The following CTNNA2 variants were observed in gnomAD, a reference collection of about 807,000 sequenced individuals.
CTNNA2 encodes the protein catenin alpha-2.
A neutral mutation model predicts 101.0 loss-of-function variants in CTNNA2; 42 were observed. The observed-to-expected ratio is 0.42, with a 90% CI of 0.32 to 0.54. CTNNA2 has a LOEUF of 0.54. Ranked by LOEUF, CTNNA2 falls within the 20% of genes least tolerant of loss-of-function variation. CTNNA2 has a pLI of 0.14. For synonymous variants in CTNNA2, 450 were observed against 456.4 expected (o/e 0.99, Z 0.18); for missense variants, 871 against 1,223.1 (o/e 0.71, Z 4.29).
intron 3 of CTNNA2, among the ~76,000 whole-genome samples, chr2:79,840,836 C>T (rs1679747238): frequency 6.6e-6 from 1 of 151,340 alleles, no homozygotes; most frequent in Non-Finnish European, 1.5e-5. Flanking sequence ...GTGGCGCGAT[C>T]TCGGCTCACT....
rs148900795 is a variant in CTNNA2 at position 80,011,920 on chromosome 2, A to T, written c.1056+102123A>T. 2.3e-3 allele frequency among the ~76,000 whole-genome samples: 344 copies of T among 152,272 alleles called. 1 individual carries two copies. Among genetic ancestry groups the T allele is most frequent in the African/African-American group, 8.2e-3 (340 of 41,558 alleles). ...TGCAGGTGTGCCATGTTTGAATAAG[A>T]TTAACCATGATGTTGGCAGCAGAGG... On this transcript the variant is annotated intron_variant, in intron 7 of 18. Transcript: ENST00000402739.
In CTNNA2 at chr2:80,162,929, A is replaced by G. The variant is rs761784568; in HGVS notation, c.1057-230282A>G. 3.4e-5 allele frequency: 53 copies of G among 1,548,360 alleles called. No individual in the cohort carries two copies. The Middle Eastern group carries it at 5.0e-4, about 15-fold the overall frequency. On this transcript the variant is annotated intron_variant, in intron 7 of 18. Coordinates refer to ENST00000402739, the MANE Select transcript of CTNNA2 (RefSeq NM_001282597.3). The stretch of plus-strand genomic sequence containing the variant: ...TAGGAGTTGTGGAGGTAGGGCTTGA[A>G]TTTCCAACATGATATTGGGGATATG...
chr2:79,397,723 G>T (rs1270710516), intron 4 of CTNNA2, among the ~76,000 whole-genome samples: 1 of 152,004 alleles, frequency 6.6e-6, no homozygotes, highest in Non-Finnish European at 1.5e-5. Context: ...GAGTGCAGTG[G>T]CATGATCATA....
chr2:79,407,628 C>T (rs1678354230), intron 4 of CTNNA2, among the ~76,000 whole-genome samples: 1 of 151,882 alleles, frequency 6.6e-6, no homozygotes, highest in South Asian at 2.1e-4. Context: ...AGGAGGAGGG[C>T]AGAATAGACC....
intron 13 of CTNNA2, chr2:80,579,031 G>C: frequency 6.6e-6 from 1 of 152,116 alleles, no homozygotes; most frequent in Non-Finnish European, 1.5e-5. Flanking sequence ...GGGGCAGAAA[G>C]TGCATATAGC....
upstream of CTNNA2, among the ~76,000 whole-genome samples, chr2:79,508,908 C>T (rs994558300): frequency 6.9e-6 from 1 of 145,100 alleles, no homozygotes; most frequent in African/African-American, 2.6e-5. Context: ...GATCCCAAAA[C>T]ACTCATTCTG....
At chr2:79,230,346 A>G (rs1674474052) in intron 2 of CTNNA2, among the ~76,000 whole-genome samples, 1 of 152,336 alleles carries the variant, frequency 6.6e-6, no homozygotes, top group South Asian at 2.1e-4. Context: ...CCATGGCTAA[A>G]AAGGGCCAAG....
At chr2:79,827,475 G>A (rs1341397453) in intron 3 of CTNNA2, among the ~76,000 whole-genome samples, 6 of 152,192 alleles carry the variant, frequency 3.9e-5, no homozygotes, top group Non-Finnish European at 8.8e-5. Context: ...AAGGGAGCAG[G>A]GAGTCACTTA....
At chr2:80,340,436 G>C (rs1672123984) in intron 7 of CTNNA2, among the ~76,000 whole-genome samples, 1 of 152,110 alleles carries the variant, frequency 6.6e-6, no homozygotes, top group South Asian at 2.1e-4. Flanking sequence ...TCTTATAATG[G>C]TTCACTTTTC....
At chr2:80,184,576 T>G (rs144417237) in intron 7 of CTNNA2, among the ~76,000 whole-genome samples, 47 of 152,256 alleles carry the variant, frequency 3.1e-4, no homozygotes, top group African/African-American at 1.0e-3. Flanking sequence ...AGACTTAAAC[T>G]GGTCTGAAAA....
At chr2:80,535,826 C>G (rs1374446858) in intron 9 of CTNNA2, among the ~76,000 whole-genome samples, 1 of 152,174 alleles carries the variant, frequency 6.6e-6, no homozygotes, top group Non-Finnish European at 1.5e-5. Context: ...GGCTGATAAA[C>G]TTATGCCAGT....
At chr2:79,454,942 C>T (rs1670799598) in intron 4 of CTNNA2, among the ~76,000 whole-genome samples, 1 of 152,072 alleles carries the variant, frequency 6.6e-6, no homozygotes, top group African/African-American at 2.4e-5. Flanking sequence ...AACTACAAGA[C>T]AGTGCAGGGG....
At chr2:79,579,285 C>G (rs1026771658) in intron 1 of CTNNA2, among the ~76,000 whole-genome samples, 2 of 148,634 alleles carry the variant, frequency 1.3e-5, no homozygotes, top group African/African-American at 5.0e-5. Context: ...CTTCCTTCCC[C>G]TGCTACTTAT....
chr2:79,481,876 A>G (rs1329340926), intron 4 of CTNNA2, among the ~76,000 whole-genome samples: 2 of 152,220 alleles, frequency 1.3e-5, no homozygotes, highest in Admixed American at 1.3e-4. Flanking sequence ...TTGGTTTGAT[A>G]GAACCAAGGA....
In CTNNA2 at chr2:80,549,601, G is replaced by A. The variant is rs889627217; in HGVS notation, c.1540+3538G>A. ...TATTAGAGTGTGCCACCCAAACATT[G>A]CAGTTTTTCACAGCAATGGAATAAT... On this transcript the variant is annotated intron_variant, in intron 11 of 18. Transcript: ENST00000402739. Among the ~76,000 whole-genome samples the A allele has an allele frequency of 7.9e-5, 12 of 152,064 alleles. No homozygotes were observed. The East Asian group carries it at 1.6e-3, about 20-fold the overall frequency.
intron 1 of CTNNA2, among the ~76,000 whole-genome samples, chr2:79,593,271 G>A (rs1281462977): frequency 6.6e-6 from 1 of 152,096 alleles, no homozygotes; most frequent in Non-Finnish European, 1.5e-5. Context: ...TCACTGTGAT[G>A]TTTCTCAACC....
At position 80,064,525 on chromosome 2, in the gene CTNNA2, T is replaced by C. The variant is rs972857369; in HGVS notation, c.1056+154728T>C. Among the ~76,000 whole-genome samples, 4 of 152,224 alleles carry C rather than the reference T, an allele frequency of 2.6e-5. No homozygotes were observed. In the East Asian group the frequency reaches 7.7e-4, roughly 29 times the overall value. On this transcript the variant is annotated intron_variant, in intron 7 of 18. Coordinates refer to ENST00000402739, the MANE Select transcript of CTNNA2 (RefSeq NM_001282597.3). ...CAGCTGAATGGTCCTTTCACTGGTATTGCCTGAGCTTGCTCTTGAAGCTCC... is the reference window on the plus strand; with the variant it reads ...CAGCTGAATGGTCCTTTCACTGGTACTGCCTGAGCTTGCTCTTGAAGCTCC...
chr2:80,593,347 T>G (rs555118216), intron 15 of CTNNA2, among the ~76,000 whole-genome samples: 30 of 152,170 alleles, frequency 2.0e-4, no homozygotes, highest in African/African-American at 7.2e-4. Flanking sequence ...TCTTTTGTTT[T>G]TTTGTTTGTT....
At chr2:80,294,477 C>T (rs1203294348) in intron 7 of CTNNA2, among the ~76,000 whole-genome samples, 1 of 121,372 alleles carries the variant, frequency 8.2e-6, no homozygotes, top group African/African-American at 2.6e-5. Flanking sequence ...GAGCCCTGAC[C>T]CCATGGAGCC....
Sources: allele counts gnomAD v4.1 joint callset (sites outside exome capture counted in the v4.1 genomes callset), GRCh38; gene constraint gnomAD v4.1.1; transcripts MANE v1.5; gene names NCBI Gene and HGNC (gene_info 2026-07-23, HGNC 2026-07-21).